The following FAM120C variants were observed in gnomAD, a reference collection of about 807,000 sequenced individuals.
FAM120C encodes the protein constitutive coactivator of PPAR-gamma-like protein 2.
A neutral mutation model predicts 71.2 loss-of-function variants in FAM120C; 14 were observed. The observed-to-expected ratio is 0.20, with a 90% confidence interval of 0.13 to 0.31. The LOEUF is 0.31. Among genes scored for constraint, FAM120C ranks in the 10% least tolerant of loss-of-function variants. FAM120C has a pLI of 1.00. For synonymous variants in FAM120C, 354 were observed against 353.2 expected, an observed-to-expected ratio of 1.00 and a Z score of -0.03; for missense variants, 500 against 879.0, an observed-to-expected ratio of 0.57 and a Z score of 5.45.
intron 4 of FAM120C, among the ~76,000 whole-genome samples, chrX:54,150,916 T>C (rs782067366): frequency 4.5e-5 from 5 of 110,497 alleles, no homozygotes; most frequent in African/African-American, 1.6e-4. Flanking sequence ...GATTTCATCA[T>C]GTTGGCCAGG....
chrX:54,142,367 C>A (rs2067130035), intron 4 of FAM120C, among the ~76,000 whole-genome samples: 2 of 111,901 alleles, frequency 1.8e-5, no homozygotes, highest in Admixed American at 9.5e-5. Flanking sequence ...AAAATCGGGA[C>A]ACTCCCACCC....
At position 54,133,881 on chromosome X, in the gene FAM120C, A is replaced by G. The variant is rs1557129879; in HGVS notation, c.1782T>C (p.Asp594=). The G allele has an allele frequency of 8.3e-7, 1 of 1,211,483 alleles. No individual in the cohort carries two copies. The highest frequency in any genetic ancestry group is 1.1e-6 in the Non-Finnish European group (1 of 895,437). ...LLSMSTRNHM[D]ITIPPLPPVA... The stretch of plus-strand genomic sequence containing the variant: ...CTGGAGGTAAGGGTGGAATGGTGAT[A>G]TCCATGTGGTTCCTTGTAGACATAG... The change falls in exon 8 of 16, where the codon GAT becomes GAC. Residue 594 remains aspartate, a synonymous_variant. Coordinates refer to ENST00000375180, the MANE Select transcript of FAM120C (RefSeq NM_017848.6).
chrX:54,132,657 G>A, intron 9 of FAM120C, 35 bp downstream of exon 9: 1 of 1,139,497 alleles, frequency 8.8e-7, no homozygotes, highest in Non-Finnish European at 1.2e-6. Flanking sequence ...TGTGTCAAGT[G>A]CTGAGAGAAT....
At chrX:54,176,090 G>A (rs782721120) in intron 1 of FAM120C, among the ~76,000 whole-genome samples, 1 of 111,859 alleles carries the variant, frequency 8.9e-6, no homozygotes, top group Non-Finnish European at 1.9e-5. Context: ...CCTTGGGCCA[G>A]TAACTACACT....
chrX:54,116,366 G>A (rs782761663), intron 10 of FAM120C, among the ~76,000 whole-genome samples, 179 bp downstream of exon 10: 21 of 111,783 alleles, frequency 1.9e-4, no homozygotes, highest in Non-Finnish European at 3.2e-4. Flanking sequence ...GGACCGATAT[G>A]ACCAAGGATC....
Position 54,081,444 on chromosome X carries a change from T to G in FAM120C, c.2856A>C (p.Pro952=), listed in dbSNP as rs1557121279. The G allele has an allele frequency of 8.3e-7, 1 of 1,205,474 alleles. No individual in the cohort carries two copies. Among genetic ancestry groups the G allele is most frequent in the Admixed American group, 2.2e-5 (1 of 45,151 alleles). Residue 952 remains proline, a synonymous_variant, in exon 14 of 16, where the codon CCA becomes CCC. Transcript: ENST00000375180. ...SRGFAGLHPI[P]PQGGKLEIAG... ...CAATCTCCAGTTTTCCTCCTTGGGGTGGGATTGGATGGAGACCTGGCAAGA... is the reference window on the plus strand; with the variant it reads ...CAATCTCCAGTTTTCCTCCTTGGGGGGGGATTGGATGGAGACCTGGCAAGA...
chrX:54,140,147 T>G lies in FAM120C; in HGVS notation c.1159-3557A>C, dbSNP rs371654584. On this transcript the variant is annotated intron_variant, in intron 4 of 15. Coordinates refer to ENST00000375180, the MANE Select transcript of FAM120C (RefSeq NM_017848.6). ...CCGTCTCTATTAAAAATAAAAAAAA[T>G]TAGCCGGGTGTGGTGGCGTGCACCT... 9.2e-4 allele frequency among the ~76,000 whole-genome samples: 98 copies of G among 106,902 alleles called. 2 individuals are homozygous for G. In the South Asian group the frequency reaches 0.04, roughly 43 times the overall value. The allele number at this position is 106,902 out of a possible 115,157, so 92.8% of individuals were successfully genotyped here. A position where few individuals can be genotyped will look rare whatever the true frequency, so the allele number is the denominator to read the frequency against.
chrX:54,144,518 A>G (rs2067144376), intron 4 of FAM120C, among the ~76,000 whole-genome samples: 1 of 111,700 alleles, frequency 9.0e-6, no homozygotes, highest in Admixed American at 9.6e-5. Context: ...CTCTACACCA[A>G]TAACAGACAA....
At chrX:54,132,566 T>C in intron 9 of FAM120C, 126 bp downstream of exon 9, 2 of 472,844 alleles carry the variant, frequency 4.2e-6, no homozygotes, top group Non-Finnish European at 7.0e-6. Context: ...AGTATCAGTA[T>C]GCATTTTGTT....
At chrX:54,089,467 T>C (rs1199533754) in intron 11 of FAM120C, among the ~76,000 whole-genome samples, 3 of 111,498 alleles carry the variant, frequency 2.7e-5, no homozygotes, top group African/African-American at 9.8e-5. Flanking sequence ...CAATACTACA[T>C]TTACTGCAAA....
At chrX:54,174,658 C>T (rs2067306665) in intron 1 of FAM120C, among the ~76,000 whole-genome samples, 2 of 112,400 alleles carry the variant, frequency 1.8e-5, no homozygotes, top group Admixed American at 1.9e-4. Context: ...TCAATTCATT[C>T]AACTAGATGA....
rs782246278 is a variant in FAM120C, at chrX:54,080,323, A to G, written c.2979-34T>C. 1.0e-4 allele frequency: 115 copies of G among 1,122,689 alleles called. 2 individuals are homozygous for G. In the South Asian group the frequency reaches 2.0e-3, roughly 20 times the overall value. The allele number at this position is 1,122,689 out of a possible 1,213,427, so 92.5% of individuals were successfully genotyped here. ...AGTGAGAAAAAAAGTGATCATGAGAAACATAAAGCCCACACACCCCTTTTC... is the reference window on the plus strand; with the variant it reads ...AGTGAGAAAAAAAGTGATCATGAGAGACATAAAGCCCACACACCCCTTTTC... On this transcript the variant is annotated intron_variant, in intron 14 of 15. Transcript: ENST00000375180.
intron 1 of FAM120C, among the ~76,000 whole-genome samples, chrX:54,160,709 A>T (rs782703538): frequency 9.0e-6 from 1 of 111,505 alleles, no homozygotes; most frequent in Non-Finnish European, 1.9e-5. Flanking sequence ...TGGCTAACAG[A>T]TACTGAATAT....
chrX:54,125,168 C>T (rs1350901047), intron 9 of FAM120C, among the ~76,000 whole-genome samples: 3 of 102,966 alleles, frequency 2.9e-5, no homozygotes, highest in African/African-American at 1.1e-4. Context: ...GAGATTGTGC[C>T]ACTGCACTCC....
In FAM120C at chrX:54,071,101, GA is replaced by G. The variant is rs2066706879; in HGVS notation, c.*1931del. On this transcript the variant is annotated 3_prime_UTR_variant, in exon 16 of 16. Coordinates refer to ENST00000375180, the MANE Select transcript of FAM120C (RefSeq NM_017848.6). Reference sequence around the variant, plus strand: ...TGTAGAAATGGTACTTCTTGGGCAAGAATATCACAAAGCCCAAAAGGAGGTA... The same window carrying G: ...TGTAGAAATGGTACTTCTTGGGCAAGATATCACAAAGCCCAAAAGGAGGTA... 8.9e-6 allele frequency: 1 copy of G among 112,058 alleles called. No homozygotes were observed. Among genetic ancestry groups the G allele is most frequent in the African/African-American group, 3.2e-5 (1 of 30,841 alleles). The allele number at this position is 112,058 out of a possible 1,213,427, so 9.2% of individuals were successfully genotyped here. A position where few individuals can be genotyped will look rare whatever the true frequency, so the allele number is the denominator to read the frequency against.
At chrX:54,180,080 T>G (rs1460948594) in intron 1 of FAM120C, among the ~76,000 whole-genome samples, 1 of 112,128 alleles carries the variant, frequency 8.9e-6, no homozygotes, top group Non-Finnish European at 1.9e-5. Context: ...AATGAGACTG[T>G]GTAGTGAAGT....
chrX:54,088,075 T>C, intron 11 of FAM120C, 111 bp from the exon 12 acceptor site: 2 of 631,865 alleles, frequency 3.2e-6, no homozygotes, highest in African/African-American at 2.2e-5. Flanking sequence ...CATGCTGTCA[T>C]TCAATGTAGA....
intron 10 of FAM120C, among the ~76,000 whole-genome samples, chrX:54,108,688 T>G (rs2066919431): frequency 9.0e-6 from 1 of 110,968 alleles, no homozygotes; most frequent in Non-Finnish European, 1.9e-5. Flanking sequence ...CCCAGCACTT[T>G]GGGAGGCCGA....
chrX:54,125,832 C>G (rs2067024620), intron 9 of FAM120C, among the ~76,000 whole-genome samples: 1 of 112,486 alleles, frequency 8.9e-6, no homozygotes, highest in Non-Finnish European at 1.9e-5. Context: ...GACATCTTTA[C>G]TATGTTGAGT....
Sources: gnomAD v4.1 joint callset for allele counts (sites outside exome capture counted in the v4.1 genomes callset) on GRCh38, gnomAD v4.1.1 for gene constraint, MANE v1.5 for transcripts, NCBI Gene and HGNC (gene_info 2026-07-23, HGNC 2026-07-21) for gene names.